The following ITGBL1 variants were observed in gnomAD, a reference collection of about 807,000 sequenced individuals.
The protein encoded by ITGBL1 is integrin subunit beta like 1.
ITGBL1 carries 51 observed loss-of-function variants against 68.5 expected under a neutral mutation model. The observed-to-expected ratio is 0.74, with a 90% confidence interval of 0.59 to 0.94. ITGBL1 has a LOEUF of 0.94. ITGBL1 is among the 40% of genes least tolerant of loss of function. ITGBL1 has a pLI of 0.00. For synonymous variants in ITGBL1, 209 were observed against 227.3 expected, an observed-to-expected ratio of 0.92 and a Z score of 0.72; for missense variants, 649 against 647.4, an observed-to-expected ratio of 1.00 and a Z score of -0.03.
At position 101,579,323 on chromosome 13, in the gene ITGBL1, A is replaced by C; in HGVS notation, c.623A>C (p.Lys208Thr). ...TGTTACTGTGGAAACTGCTACTGCA[A>C]GGCTGGTTGGCATGGAGATAAATGT... ...GKCYCGNCYC[K>T]AGWHGDKCEF... is the part of the protein sequence containing the mutation. Residue 208 changes from lysine (K) to threonine (T), a missense_variant, in exon 5 of 11, where the codon AAG becomes ACG. Physicochemically the swap from Lys to Thr is moderately conservative, Grantham distance 78. Transcript: ENST00000376180. 1 of 1,613,982 alleles carries C rather than the reference A, an allele frequency of 6.2e-7. No homozygotes were observed. Among genetic ancestry groups the C allele is most frequent in the Non-Finnish European group, 8.5e-7 (1 of 1,179,886 alleles).
At chr13:101,547,813 C>T (rs1202275632) in intron 2 of ITGBL1, among the ~76,000 whole-genome samples, 1 of 151,524 alleles carries the variant, frequency 6.6e-6, no homozygotes, top group African/African-American at 2.4e-5. Context: ...ATATCTCAGG[C>T]ACCCTATAAA....
At chr13:101,719,552 A>ATGTT (rs2034850852), downstream of ITGBL1, 1 of 152,090 alleles carries the variant, frequency 6.6e-6, no homozygotes, top group African/African-American at 2.4e-5. Flanking sequence ...TGGTAGCAAA[A>ATGTT]TGTTTTAAAA....
chr13:101,466,760 C>T (rs2048387267), intron 2 of ITGBL1, among the ~76,000 whole-genome samples: 1 of 152,136 alleles, frequency 6.6e-6, no homozygotes, highest in African/African-American at 2.4e-5. Context: ...TCTGAGTAAA[C>T]AGTACAGATC....
At chr13:101,469,926 C>A (rs890885667) in intron 2 of ITGBL1, among the ~76,000 whole-genome samples, 3 of 152,212 alleles carry the variant, frequency 2.0e-5, no homozygotes, top group African/African-American at 7.2e-5. Flanking sequence ...TCTTTCTCCG[C>A]TATTGTTGCT....
At chr13:101,676,012 GA>G (rs1472186717) in intron 7 of ITGBL1, among the ~76,000 whole-genome samples, 2 of 152,034 alleles carry the variant, frequency 1.3e-5, no homozygotes, top group Non-Finnish European at 2.9e-5. Context: ...GTTTTTTACA[GA>G]TAATTGTCTA....
intron 2 of ITGBL1, among the ~76,000 whole-genome samples, chr13:101,458,372 T>C (rs2048272923): frequency 6.6e-6 from 1 of 152,190 alleles, no homozygotes; most frequent in Non-Finnish European, 1.5e-5. Flanking sequence ...AACATGTGGA[T>C]GTTTGGGAAA....
intron 6 of ITGBL1, among the ~76,000 whole-genome samples, chr13:101,584,982 A>AC (rs2050527328): frequency 6.6e-6 from 1 of 151,910 alleles, no homozygotes; most frequent in African/African-American, 2.4e-5. Flanking sequence ...AGCAGAAGGA[A>AC]CAGAGGGATA....
intron 2 of ITGBL1, among the ~76,000 whole-genome samples, chr13:101,492,555 C>A (rs1236214206): frequency 1.3e-5 from 2 of 152,162 alleles, no homozygotes; most frequent in African/African-American, 4.8e-5. Flanking sequence ...TGGAGCTATG[C>A]CCTAAGAGGG....
At chr13:101,656,842 T>C (rs2032940217) in intron 7 of ITGBL1, among the ~76,000 whole-genome samples, 1 of 152,206 alleles carries the variant, frequency 6.6e-6, no homozygotes. Context: ...TTTTTCTTTT[T>C]GTCAATAAAA....
chr13:101,568,924 T>C (rs960024018), intron 3 of ITGBL1, among the ~76,000 whole-genome samples: 2 of 152,104 alleles, frequency 1.3e-5, no homozygotes, highest in African/African-American at 4.8e-5. Context: ...TAGGTCCCTT[T>C]CTGTGTTCAT....
intron 2 of ITGBL1, among the ~76,000 whole-genome samples, chr13:101,497,694 A>G (rs2048876700): frequency 6.6e-6 from 1 of 152,132 alleles, no homozygotes; most frequent in African/African-American, 2.4e-5. Flanking sequence ...TCTTCCTGAG[A>G]TGGAAGCTCT....
chr13:101,657,234 G>A (rs1191532397), intron 7 of ITGBL1, among the ~76,000 whole-genome samples: 1 of 152,172 alleles, frequency 6.6e-6, no homozygotes, highest in East Asian at 1.9e-4. Flanking sequence ...GCTTAGCCCA[G>A]TGTATCCTCA....
chr13:101,503,576 G>A (rs1383243075), intron 2 of ITGBL1, among the ~76,000 whole-genome samples: 1 of 152,144 alleles, frequency 6.6e-6, no homozygotes, highest in African/African-American at 2.4e-5. Flanking sequence ...CTTTAGAAGT[G>A]ACACTAGTGG....
chr13:101,707,319 T>C lies in ITGBL1; in HGVS notation c.1279+417T>C, dbSNP rs369146390. ...ATCTGAGCTGCCCAAAGATATGACTTTGGGAACTTCTGGGGCTAAATTATT... is the reference window on the plus strand; with the variant it reads ...ATCTGAGCTGCCCAAAGATATGACTCTGGGAACTTCTGGGGCTAAATTATT... On this transcript the variant is annotated intron_variant, in intron 9 of 10. Transcript: ENST00000376180. 1.4e-4 allele frequency among the ~76,000 whole-genome samples: 22 copies of C among 152,164 alleles called. No individual in the cohort carries two copies. In the East Asian group the frequency reaches 4.3e-3, roughly 29 times the overall value.
At chr13:101,718,195 T>G (rs919987190), downstream of ITGBL1, 1 of 152,160 alleles carries the variant, frequency 6.6e-6, no homozygotes, top group Non-Finnish European at 1.5e-5. Context: ...AGAAATATTT[T>G]TACTTATTTC....
intron 7 of ITGBL1, among the ~76,000 whole-genome samples, chr13:101,651,072 C>T (rs972474100): frequency 6.6e-6 from 1 of 152,082 alleles, no homozygotes; most frequent in Non-Finnish European, 1.5e-5. Context: ...GTTGATTGCA[C>T]GTCTTTGCTA....
chr13:101,607,047 A>T (rs2030900013), intron 7 of ITGBL1, among the ~76,000 whole-genome samples: 1 of 151,996 alleles, frequency 6.6e-6, no homozygotes, highest in Non-Finnish European at 1.5e-5. Flanking sequence ...TGATTCTTGG[A>T]TATGGAATAC....
chr13:101,505,194 G>A (rs376698126), intron 2 of ITGBL1, among the ~76,000 whole-genome samples: 3 of 152,188 alleles, frequency 2.0e-5, no homozygotes, highest in Non-Finnish European at 2.9e-5. Context: ...TAGATGGATC[G>A]TCAGTGGCAT....
intron 7 of ITGBL1, among the ~76,000 whole-genome samples, chr13:101,602,664 G>A (rs1394697687): frequency 1.3e-5 from 2 of 151,592 alleles, no homozygotes; most frequent in Non-Finnish European, 2.9e-5. Context: ...CATCACCACT[G>A]TCCAATTCCA....
Sources: allele counts gnomAD v4.1 joint callset (sites outside exome capture counted in the v4.1 genomes callset), GRCh38; gene constraint gnomAD v4.1.1; transcripts MANE v1.5; gene names NCBI Gene and HGNC (gene_info 2026-07-23, HGNC 2026-07-21).